The following DOP1A variants were observed in gnomAD, a reference collection of about 807,000 sequenced individuals.
DOP1A encodes the protein DOP1 leucine zipper like protein A.
DOP1A carries 90 observed loss-of-function variants against 267.6 expected under a neutral mutation model. That is an observed-to-expected ratio of 0.34 (90% CI 0.28 to 0.40). The LOEUF is 0.40. Among genes scored for constraint, DOP1A ranks in the 10% least tolerant of loss-of-function variants. The pLI, the probability that DOP1A is intolerant of heterozygous loss-of-function variation, is 1.00. For missense variants in DOP1A, 2,437 were observed against 2,900.4 expected (o/e 0.84, Z 3.67); for synonymous variants, 932 against 999.1 (o/e 0.93, Z 1.27).
Position 83,130,297 on chromosome 6 carries a change from A to G in DOP1A, c.2516A>G (p.Gln839Arg). The G allele has an allele frequency of 6.2e-7, 1 of 1,614,050 alleles. No homozygotes were observed. ...GENINSVEPA[Q>R]PLSPNQGRVA... The stretch of plus-strand genomic sequence containing the variant: ...AACATCAACAGTGTAGAGCCTGCAC[A>G]ACCCTTAAGTCCAAACCAGGGAAGA... Residue 839 changes from glutamine (Q) to arginine (R), a missense_variant, in exon 17 of 39, where the codon CAA becomes CGA. Physicochemically the swap from Gln to Arg is conservative, Grantham distance 43. Coordinates refer to ENST00000349129, the MANE Select transcript of DOP1A (RefSeq NM_015018.4).
At chr6:83,109,105 T>C (rs754369347) in intron 5 of DOP1A, 25 bp downstream of exon 5, 4 of 1,596,778 alleles carry the variant, frequency 2.5e-6, no homozygotes, top group Admixed American at 1.8e-5. Flanking sequence ...GGTGCAGTTA[T>C]GTAATTGAAG....
At position 83,137,695 on chromosome 6, in the gene DOP1A, C is replaced by T. The variant is rs1327774830; in HGVS notation, c.3653C>T (p.Ser1218Phe). 1 of 1,613,422 alleles carries T rather than the reference C, an allele frequency of 6.2e-7. No homozygotes were observed. Among genetic ancestry groups the T allele is most frequent in the Non-Finnish European group, 8.5e-7 (1 of 1,179,762 alleles). The change falls in exon 21 of 39, where the codon TCT (serine) becomes TTT (phenylalanine). Residue 1218 changes from serine to phenylalanine, a missense_variant. This residue lies in a region of DOP1A where 878 missense variants were observed against 992.9 expected (regional missense o/e 0.88). Coordinates refer to ENST00000349129, the MANE Select transcript of DOP1A (RefSeq NM_015018.4). ...AGTAATGAAAGTTCTCAGTTTCTGT[C>T]TGTGTCTGCAGAGGGAGGCCATGAG... The part of the protein sequence containing the change: ...LLSNESSQFL[S>F]VSAEGGHECV...
At chr6:83,151,119 A>G (rs1351342119) in intron 27 of DOP1A, among the ~76,000 whole-genome samples, 2 of 152,134 alleles carry the variant, frequency 1.3e-5, no homozygotes, top group African/African-American at 4.8e-5. Context: ...ACATATCTGT[A>G]ATTTTTCATT....
At chr6:83,161,954 G>C (rs544178980) in intron 37 of DOP1A, among the ~76,000 whole-genome samples, 7 of 152,112 alleles carry the variant, frequency 4.6e-5, no homozygotes, top group Non-Finnish European at 1.0e-4. Context: ...GTACTACTAT[G>C]TTGCTGTTAA....
intron 3 of DOP1A, among the ~76,000 whole-genome samples, chr6:83,097,843 C>T (rs904382703): frequency 1.6e-4 from 24 of 150,288 alleles, no homozygotes; most frequent in Admixed American, 9.3e-4. Context: ...ATAACTTATT[C>T]TATTTTATTT....
At chr6:83,074,001 A>G (rs904745795) in intron 1 of DOP1A, among the ~76,000 whole-genome samples, 1 of 152,218 alleles carries the variant, frequency 6.6e-6, no homozygotes, top group Non-Finnish European at 1.5e-5. Context: ...CCATGTGGTA[A>G]GGAATTGCCC....
chr6:83,072,071 C>T (rs996097497), intron 1 of DOP1A, among the ~76,000 whole-genome samples: 1 of 152,146 alleles, frequency 6.6e-6, no homozygotes, highest in African/African-American at 2.4e-5. Flanking sequence ...CTGCCGAAGA[C>T]ATTTCTAGAC....
At chr6:83,074,190 A>G (rs946460523) in intron 1 of DOP1A, among the ~76,000 whole-genome samples, 4 of 152,132 alleles carry the variant, frequency 2.6e-5, no homozygotes, top group African/African-American at 4.8e-5. Flanking sequence ...AAATTAATGT[A>G]CCAAACAAAT....
At chr6:83,158,500 C>T in intron 35 of DOP1A, 67 bp from the exon 36 acceptor site, 1 of 1,221,702 alleles carries the variant, frequency 8.2e-7, no homozygotes, top group Non-Finnish European at 1.2e-6. Flanking sequence ...GAAAATACAA[C>T]TTAAAGATAA....
chr6:83,099,430 G>A (rs146409066), intron 3 of DOP1A, among the ~76,000 whole-genome samples: 1 of 152,198 alleles, frequency 6.6e-6, no homozygotes, highest in East Asian at 1.9e-4. Context: ...TTGCTTAAAG[G>A]TAGTTAGGTT....
At chr6:83,159,695 A>C in intron 36 of DOP1A, 101 bp from the exon 37 acceptor site, 1 of 1,313,238 alleles carries the variant, frequency 7.6e-7, no homozygotes, top group Non-Finnish European at 1.1e-6. Context: ...CATTTATCTC[A>C]GGATGATTAT....
rs745598523 is a variant in DOP1A, at chr6:83,167,992, A to T, written c.7223A>T (p.Asn2408Ile). 1 of 1,614,200 alleles carries T rather than the reference A, an allele frequency of 6.2e-7. No individual in the cohort carries two copies. Residue 2408 changes from asparagine (N) to isoleucine (I), a missense_variant, in exon 39 of 39, where the codon AAC (asparagine) becomes ATC (isoleucine). Physicochemically the swap from Asn to Ile is moderately radical, Grantham distance 149 (BLOSUM62 -3). Around this residue, in one of 9 missense-constraint regions of DOP1A, gnomAD observed 197 missense variants for 246.5 expected, o/e 0.80. Coordinates refer to ENST00000349129, the MANE Select transcript of DOP1A (RefSeq NM_015018.4). ...PFFNVLSQVF[N>I]SKVTSRCGGH... ...TTCAATGTGCTCAGTCAAGTCTTCA[A>T]CAGCAAAGTCACAAGCCGATGTGGA...
intron 24 of DOP1A, among the ~76,000 whole-genome samples, 189 bp from the exon 25 acceptor site, chr6:83,145,335 A>C (rs923315918): frequency 2.4e-4 from 32 of 133,582 alleles, no homozygotes; most frequent in African/African-American, 8.9e-4. Context: ...TAATCCTAGC[A>C]CTTTGGGGGG....
chr6:83,082,502 G>T (rs189576369), intron 1 of DOP1A, among the ~76,000 whole-genome samples: 1 of 152,282 alleles, frequency 6.6e-6, no homozygotes, highest in East Asian at 1.9e-4. Context: ...CTTACCAGCG[G>T]CTGGGGTGGT....
intron 31 of DOP1A, 64 bp from the exon 32 acceptor site, chr6:83,153,829 TG>T: frequency 6.7e-7 from 1 of 1,498,160 alleles, no homozygotes; most frequent in South Asian, 1.3e-5. Context: ...TGAACATTTA[TG>T]TATAACTTGA....
At chr6:83,147,850 A>G (rs895920122) in intron 26 of DOP1A, among the ~76,000 whole-genome samples, 3 of 152,208 alleles carry the variant, frequency 2.0e-5, no homozygotes, top group Non-Finnish European at 4.4e-5. Context: ...GAACTTATAT[A>G]CAGAGAGGTG....
At chr6:83,068,571 T>A (rs1785088342) in intron 1 of DOP1A, among the ~76,000 whole-genome samples, 1 of 152,148 alleles carries the variant, frequency 6.6e-6, no homozygotes, top group Non-Finnish European at 1.5e-5. Flanking sequence ...TCAAAAAAAA[T>A]GATAATTACC....
At chr6:83,140,783 A>G (rs905887942) in intron 23 of DOP1A, among the ~76,000 whole-genome samples, 12 of 152,192 alleles carry the variant, frequency 7.9e-5, no homozygotes, top group Admixed American at 3.9e-4. Context: ...TATAAATGGA[A>G]TGATAACAAT....
chr6:83,087,339 A>G (rs1217458781), intron 1 of DOP1A, among the ~76,000 whole-genome samples: 2 of 152,162 alleles, frequency 1.3e-5, no homozygotes, highest in African/African-American at 4.8e-5. Flanking sequence ...ACCTGTTTGA[A>G]GTTTGTGCTT....
Sources: gnomAD v4.1 joint callset for allele counts (sites outside exome capture counted in the v4.1 genomes callset) on GRCh38, gnomAD v4.1.1 for gene constraint, gnomAD v4.1.1 regional missense constraint, MANE v1.5 for transcripts, NCBI Gene and HGNC (gene_info 2026-07-23, HGNC 2026-07-21) for gene names.